Variants in ADAMTS18 observed in about 807,000 individuals in gnomAD.
ADAMTS18 encodes the protein A disintegrin and metalloproteinase with thrombospondin motifs 18.
A neutral mutation model predicts 165.9 loss-of-function variants in ADAMTS18; 157 were observed. The observed-to-expected ratio is 0.95, with a 90% CI of 0.83 to 1.08. The LOEUF is 1.08. Ranked by LOEUF, ADAMTS18 falls within the 50% of genes least tolerant of loss-of-function variation. The pLI is 0.00. For synonymous variants in ADAMTS18, 782 were observed against 578.2 expected, an observed-to-expected ratio of 1.35 and a Z score of -5.06; for missense variants, 2,040 against 1,534.0, an observed-to-expected ratio of 1.33 and a Z score of -5.51.
chr16:77,306,497 T>C (rs937358162), intron 16 of ADAMTS18, among the ~76,000 whole-genome samples: 4 of 152,258 alleles, frequency 2.6e-5, no homozygotes, highest in African/African-American at 9.6e-5. Flanking sequence ...TAATTTTTAA[T>C]GTTAAAACTT....
At chr16:77,418,952 C>T (rs2057565322) in intron 3 of ADAMTS18, among the ~76,000 whole-genome samples, 1 of 152,202 alleles carries the variant, frequency 6.6e-6, no homozygotes, top group South Asian at 2.1e-4. Context: ...AGTTCGAGAT[C>T]AGCCTGGCCA....
rs1443010971 is a variant in ADAMTS18 at position 77,434,783 on chromosome 16, C to G, written c.-88G>C. On this transcript the variant is annotated 5_prime_UTR_variant, in exon 1 of 23. Transcript: ENST00000282849. ...GCGCATTCTTTCCGCGGCCCCGGAG[C>G]TCGGCGCCCCAGGTGCGGCTCCAGG... 2.6e-6 allele frequency: 3 copies of G among 1,159,980 alleles called. No individual in the cohort carries two copies. Among genetic ancestry groups the G allele is most frequent in the Non-Finnish European group, 3.3e-6 (3 of 900,290 alleles). The allele number at this position is 1,159,980 out of a possible 1,614,324, so 71.9% of individuals were successfully genotyped here.
chr16:77,319,796 C>T (rs201070483), intron 16 of ADAMTS18, 53 bp downstream of exon 16: 224 of 1,612,432 alleles, frequency 1.4e-4, no homozygotes, highest in Non-Finnish European at 7.1e-5. Context: ...TTGCAGTCAA[C>T]GATATAAATG....
chr16:77,431,709 T>C lies in ADAMTS18; in HGVS notation c.179-98A>G, dbSNP rs1436019279. The C allele has an allele frequency of 3.1e-6, 4 of 1,271,006 alleles. No homozygotes were observed. In the East Asian group the frequency reaches 6.9e-5, roughly 22 times the overall value. The allele number at this position is 1,271,006 out of a possible 1,614,324, so 78.7% of individuals were successfully genotyped here. ...CAAAGAGCAACACAAAGCTCAAAGA[T>C]ATCTTTGTTCCTATTGCCTTGCACC... On this transcript the variant is annotated intron_variant, in intron 2 of 22. Coordinates refer to ENST00000282849, the MANE Select transcript of ADAMTS18 (RefSeq NM_199355.4).
At chr16:77,388,658 G>C in intron 3 of ADAMTS18, among the ~76,000 whole-genome samples, 1 of 152,148 alleles carries the variant, frequency 6.6e-6, no homozygotes, top group East Asian at 1.9e-4. Context: ...TTACAATAAT[G>C]CCTGCCACAC....
Position 77,320,058 on chromosome 16 carries a change from G to T in ADAMTS18, c.2323C>A (p.Arg775=). 13 of 1,614,034 alleles carry T rather than the reference G, an allele frequency of 8.1e-6. No individual in the cohort carries two copies. Among genetic ancestry groups the T allele is most frequent in the Non-Finnish European group, 1.1e-5 (13 of 1,180,000 alleles). ...YPVVLIPAGA[R]SIEIQELQVS... ...TGCAGCTCCTGGATTTCGATGCTTC[G>T]GGCGCCAGCTGGAATGAGGACCACC... The change falls in exon 16 of 23, where the codon CGA becomes AGA. Residue 775 remains arginine, a synonymous_variant. Coordinates refer to ENST00000282849, the MANE Select transcript of ADAMTS18 (RefSeq NM_199355.4).
intron 3 of ADAMTS18, among the ~76,000 whole-genome samples, chr16:77,373,396 T>C (rs1265103378): frequency 1.3e-5 from 2 of 149,874 alleles, no homozygotes; most frequent in East Asian, 2.0e-4. Flanking sequence ...GAGGCGGAGG[T>C]TGCAGTGAGC....
intron 16 of ADAMTS18, among the ~76,000 whole-genome samples, chr16:77,308,698 A>G (rs2055726378): frequency 6.6e-6 from 1 of 152,202 alleles, no homozygotes; most frequent in Admixed American, 6.5e-5. Flanking sequence ...GTGACCTTAA[A>G]TTACCTACAC....
chr16:77,294,150 TC>T (rs1479772649), intron 19 of ADAMTS18, among the ~76,000 whole-genome samples: 2 of 152,130 alleles, frequency 1.3e-5, no homozygotes, highest in Non-Finnish European at 2.9e-5. Flanking sequence ...TTTTCATTCT[TC>T]CCCATAATTT....
chr16:77,381,411 G>A (rs147579105), intron 3 of ADAMTS18, among the ~76,000 whole-genome samples: 55 of 152,270 alleles, frequency 3.6e-4, no homozygotes, highest in African/African-American at 1.3e-3. Context: ...CCAAGTACCT[G>A]CTGTTCCTTT....
intron 5 of ADAMTS18, 54 bp downstream of exon 5, chr16:77,364,134 C>T (rs967873395): frequency 6.2e-7 from 1 of 1,604,842 alleles, no homozygotes; most frequent in Non-Finnish European, 8.5e-7. Flanking sequence ...CAAGAGAATT[C>T]CATGACATTT....
At chr16:77,368,637 C>T (rs915160346) in intron 3 of ADAMTS18, among the ~76,000 whole-genome samples, 2 of 152,116 alleles carry the variant, frequency 1.3e-5, no homozygotes, top group Non-Finnish European at 2.9e-5. Context: ...TCTCAAACTC[C>T]TGGCTTCAAG....
intron 3 of ADAMTS18, among the ~76,000 whole-genome samples, chr16:77,417,396 T>A (rs1426047664): frequency 6.6e-6 from 1 of 152,132 alleles, no homozygotes; most frequent in Non-Finnish European, 1.5e-5. Flanking sequence ...AAGCCCAAAG[T>A]GACTTTGACT....
intron 3 of ADAMTS18, among the ~76,000 whole-genome samples, chr16:77,408,884 A>G (rs1241202979): frequency 6.6e-6 from 1 of 152,142 alleles, no homozygotes; most frequent in African/African-American, 2.4e-5. Flanking sequence ...AAAGTCAACC[A>G]CAGTCTTAAA....
intron 16 of ADAMTS18, among the ~76,000 whole-genome samples, chr16:77,311,791 C>T (rs2055786149): frequency 6.6e-6 from 1 of 150,496 alleles, no homozygotes; most frequent in South Asian, 2.1e-4. Flanking sequence ...TCCAATTAAT[C>T]ATACAAGTTT....
chr16:77,342,458 T>TCGACTGAC (rs2056413049), intron 10 of ADAMTS18, among the ~76,000 whole-genome samples: 1 of 151,322 alleles, frequency 6.6e-6, no homozygotes. Context: ...TTATAGTTTA[T>TCGACTGAC]TGACTGACTG....
At chr16:77,421,898 G>T (rs888445897) in intron 3 of ADAMTS18, among the ~76,000 whole-genome samples, 1 of 152,016 alleles carries the variant, frequency 6.6e-6, no homozygotes, top group Non-Finnish European at 1.5e-5. Context: ...GTAATTAAAA[G>T]AATAAGATAG....
chr16:77,282,383 T>C lies in ADAMTS18; in HGVS notation c.*1573A>G, dbSNP rs185352845. The stretch of plus-strand genomic sequence containing the variant: ...GGCAACGGGGTTGTAGTAGAGAAAA[T>C]TTTTTTTTTTCCTGTTGATAAAATG... On this transcript the variant is annotated 3_prime_UTR_variant, in exon 23 of 23. Transcript: ENST00000282849. 1 of 148,572 alleles carries C rather than the reference T, an allele frequency of 6.7e-6. No individual in the cohort carries two copies. Among genetic ancestry groups the C allele is most frequent in the Non-Finnish European group, 1.5e-5 (1 of 66,906 alleles). The allele number at this position is 148,572 out of a possible 1,614,324, so 9.2% of individuals were successfully genotyped here.
In ADAMTS18 at chr16:77,384,548, G is replaced by C. The variant is rs114930789; in HGVS notation, c.496-16825C>G. Among the ~76,000 whole-genome samples the C allele has an allele frequency of 6.8e-3, 1,030 of 152,278 alleles. 10 individuals are homozygous for C. Among genetic ancestry groups the C allele is most frequent in the African/African-American group, 0.024 (979 of 41,526 alleles). ...AGGGCAGACCATCTCTGAGGGTAGT[G>C]TTTGAACTTCTGTACATTGGGGAAC... On this transcript the variant is annotated intron_variant, in intron 3 of 22. Coordinates refer to ENST00000282849, the MANE Select transcript of ADAMTS18 (RefSeq NM_199355.4).
Sources: allele counts gnomAD v4.1 joint callset (sites outside exome capture counted in the v4.1 genomes callset), GRCh38; gene constraint gnomAD v4.1.1; transcripts MANE v1.5; gene names NCBI Gene and HGNC (gene_info 2026-07-23, HGNC 2026-07-21).